Variants in CENPP observed in about 807,000 individuals in gnomAD.
CENPP encodes centromere protein P.
Under a neutral mutation model 35.6 loss-of-function variants are expected in CENPP, and 24 were observed. The observed-to-expected ratio is 0.67, with a 90% CI of 0.49 to 0.95. The LOEUF (loss-of-function observed/expected upper bound fraction) is 0.95. Ranked by LOEUF, CENPP falls within the 40% of genes least tolerant of loss-of-function variation. The probability of loss-of-function intolerance (pLI) is 0.00; values close to 1 mark genes in which losing one functional copy is unlikely to be tolerated. For missense variants in CENPP, 332 were observed against 345.3 expected (o/e 0.96, Z 0.31); for synonymous variants, 120 against 125.5 (o/e 0.96, Z 0.29).
chr9:92,608,044 A>C (rs1851129785), intron 5 of CENPP, among the ~76,000 whole-genome samples: 1 of 152,230 alleles, frequency 6.6e-6, no homozygotes, highest in Non-Finnish European at 1.5e-5. Flanking sequence ...CCAGAGGGGA[A>C]GTGCCAGTGC....
At chr9:92,376,757 G>C (rs1293242593) in intron 4 of CENPP, among the ~76,000 whole-genome samples, 4 of 152,096 alleles carry the variant, frequency 2.6e-5, no homozygotes, top group Non-Finnish European at 5.9e-5. Flanking sequence ...AGGGAAGATG[G>C]AGACCAGGTG....
chr9:92,433,078 AC>A (rs1211161757), intron 5 of CENPP, among the ~76,000 whole-genome samples: 1 of 152,196 alleles, frequency 6.6e-6, no homozygotes, highest in Non-Finnish European at 1.5e-5. Context: ...ATCTTTTGCT[AC>A]TATAACAGAA....
chr9:92,575,378 G>A (rs1456900112), intron 5 of CENPP, among the ~76,000 whole-genome samples: 1 of 152,094 alleles, frequency 6.6e-6, no homozygotes, highest in Non-Finnish European at 1.5e-5. Flanking sequence ...GTTCAAAAAT[G>A]GGCAAAGGAC....
chr9:92,469,974 T>C (rs955176470), intron 5 of CENPP, among the ~76,000 whole-genome samples: 2 of 152,194 alleles, frequency 1.3e-5, no homozygotes, highest in African/African-American at 4.8e-5. Flanking sequence ...TAAGACTACG[T>C]GCACCACCAC....
chr9:92,500,699 A>G, intron 5 of CENPP: 1 of 1,585,442 alleles, frequency 6.3e-7, no homozygotes, highest in Non-Finnish European at 8.6e-7. Flanking sequence ...CAAAATTTAA[A>G]CAGATACTTG....
intron 5 of CENPP, among the ~76,000 whole-genome samples, chr9:92,488,392 C>T (rs940930764): frequency 2.6e-5 from 4 of 152,234 alleles, no homozygotes; most frequent in East Asian, 3.9e-4. Flanking sequence ...TAAGATGTTA[C>T]GTTAGACAGG....
chr9:92,575,096 A>G (rs1245710018), intron 5 of CENPP, among the ~76,000 whole-genome samples: 1 of 152,236 alleles, frequency 6.6e-6, no homozygotes, highest in Non-Finnish European at 1.5e-5. Context: ...GTAAAACCTA[A>G]AAGTATAATA....
chr9:92,548,642 AT>A (rs1849524286), intron 5 of CENPP, among the ~76,000 whole-genome samples: 1 of 152,242 alleles, frequency 6.6e-6, no homozygotes, highest in African/African-American at 2.4e-5. Flanking sequence ...TATCAAGTAT[AT>A]TTAAAATATA....
intron 5 of CENPP, among the ~76,000 whole-genome samples, chr9:92,525,317 CAAA>C (rs59745811): frequency 1.7e-5 from 2 of 118,536 alleles, no homozygotes; most frequent in Non-Finnish European, 3.6e-5. Flanking sequence ...GACTCTGTCT[CAAA>C]AAAAAAAAAA....
chr9:92,325,799 G>A (rs1840439955), upstream of CENPP: 2 of 544,980 alleles, frequency 3.7e-6, no homozygotes, highest in South Asian at 2.2e-5. Context: ...GTGCGGGGAA[G>A]TGGAGGACTC....
At chr9:92,496,941 A>G (rs1194728441) in intron 5 of CENPP, among the ~76,000 whole-genome samples, 1 of 118,618 alleles carries the variant, frequency 8.4e-6, no homozygotes, top group Non-Finnish European at 1.9e-5. Flanking sequence ...TAAGGTTTGC[A>G]AAAAAAAAAA....
chr9:92,351,825 A>G (rs925395018), intron 4 of CENPP, among the ~76,000 whole-genome samples: 4 of 151,590 alleles, frequency 2.6e-5, no homozygotes, highest in African/African-American at 7.3e-5. Context: ...GGGTTTTGCC[A>G]TATTGGCCAG....
chr9:92,397,240 T>C (rs138014423), intron 5 of CENPP, among the ~76,000 whole-genome samples: 2 of 152,236 alleles, frequency 1.3e-5, no homozygotes, highest in East Asian at 3.9e-4. Flanking sequence ...TTTCCTAACA[T>C]AGCAAGATGT....
At chr9:92,501,629 A>T (rs1486500634) in intron 5 of CENPP, among the ~76,000 whole-genome samples, 1 of 152,074 alleles carries the variant, frequency 6.6e-6, no homozygotes, top group East Asian at 1.9e-4. Context: ...TGTTTCAGGA[A>T]CCCCACCTGA....
At chr9:92,584,503 C>T (rs564873577) in intron 5 of CENPP, among the ~76,000 whole-genome samples, 1 of 152,280 alleles carries the variant, frequency 6.6e-6, no homozygotes, top group African/African-American at 2.4e-5. Context: ...TATGCGTCAC[C>T]ATGCCTGGCT....
intron 5 of CENPP, chr9:92,424,418 A>G (rs1564313831): frequency 6.6e-6 from 1 of 152,212 alleles, no homozygotes; most frequent in African/African-American, 2.4e-5. Flanking sequence ...TTTTCATTAC[A>G]TGAAACTTTG....
chr9:92,486,289 G>A (rs1980848), intron 5 of CENPP, among the ~76,000 whole-genome samples: 56,331 of 152,012 alleles, frequency 0.37, 12,793 homozygotes, highest in African/African-American at 0.64. Context: ...GAAGGGATAA[G>A]TGATTAAGAT....
At chr9:92,375,422 A>T (rs1056925773) in intron 4 of CENPP, among the ~76,000 whole-genome samples, 2 of 151,782 alleles carry the variant, frequency 1.3e-5, no homozygotes, top group African/African-American at 4.8e-5. Flanking sequence ...CCTCCTGAGT[A>T]GCTGGGATTA....
rs1482805110 is a variant in CENPP at position 92,615,609 on chromosome 9, G to A, written c.*2460G>A. 7.6e-6 allele frequency: 4 copies of A among 527,530 alleles called. No homozygotes were observed. The African/African-American group carries it at 7.6e-5, about 10-fold the overall frequency. 32.7% of individuals were successfully genotyped at this position (527,530 alleles called of 1,614,324 possible). ...CTTAACGGACACTTCCATTTTAAGA[G>A]TGTGAGCAGCTTCCTGGGACACAGC... is the stretch of plus-strand genomic sequence containing the variant. On this transcript the variant is annotated 3_prime_UTR_variant, in exon 8 of 8. Coordinates refer to ENST00000375587, the MANE Select transcript of CENPP (RefSeq NM_001012267.3).
Sources: allele counts gnomAD v4.1 joint callset (sites outside exome capture counted in the v4.1 genomes callset), GRCh38; gene constraint gnomAD v4.1.1; transcripts MANE v1.5; gene names NCBI Gene and HGNC (gene_info 2026-07-23, HGNC 2026-07-21).